MAPK10: variants seen among roughly 807,000 people sequenced by gnomAD.
The protein encoded by MAPK10 is mitogen-activated protein kinase 10.
Under a neutral mutation model 59.3 loss-of-function variants are expected in MAPK10, and 25 were observed. The observed-to-expected ratio is 0.42, with a 90% confidence interval of 0.31 to 0.59. MAPK10 has a LOEUF of 0.59. Ranked by LOEUF, MAPK10 falls within the 20% of genes least tolerant of loss-of-function variation. The pLI is 0.15. For missense variants in MAPK10, 351 were observed against 568.9 expected (o/e 0.62, Z 3.90); for synonymous variants, 190 against 200.5 (o/e 0.95, Z 0.44).
chr4:86,074,339 CTT>C (rs1350572970), intron 9 of MAPK10, among the ~76,000 whole-genome samples: 7 of 149,892 alleles, frequency 4.7e-5, no homozygotes, highest in Non-Finnish European at 8.9e-5. Context: ...GATCTTGACT[CTT>C]TATCCAATTT....
chr4:86,427,523 C>G (rs563264681), intron 1 of MAPK10, among the ~76,000 whole-genome samples: 3 of 152,070 alleles, frequency 2.0e-5, no homozygotes, highest in African/African-American at 4.8e-5. Flanking sequence ...ATCTCTGAAT[C>G]CATAGGACCT....
chr4:86,172,911 G>C (rs1436585960), intron 3 of MAPK10, among the ~76,000 whole-genome samples: 1 of 151,964 alleles, frequency 6.6e-6, no homozygotes, highest in Non-Finnish European at 1.5e-5. Context: ...GTTAACAAGA[G>C]ATGTGAAGGA....
rs561100360 is a variant in MAPK10 at position 86,433,729 on chromosome 4, C to T, written c.-122+19301G>A. On this transcript the variant is annotated intron_variant, in intron 1 of 13. Coordinates refer to the MAPK10 transcript ENST00000361569. ...TAGGCCTTCTTTAAAAACTGCTGGACCACGACTAGGCCGAGCTGTGCCCAG... is the reference window on the plus strand; with the variant it reads ...TAGGCCTTCTTTAAAAACTGCTGGATCACGACTAGGCCGAGCTGTGCCCAG... 1.8e-3 allele frequency among the ~76,000 whole-genome samples: 274 copies of T among 151,970 alleles called. 1 individual carries two copies. Among genetic ancestry groups the T allele is most frequent in the Non-Finnish European group, 2.7e-3 (185 of 67,954 alleles).
At chr4:86,134,983 T>TA in intron 4 of MAPK10, among the ~76,000 whole-genome samples, 1 of 152,252 alleles carries the variant, frequency 6.6e-6, no homozygotes, top group South Asian at 2.1e-4. Flanking sequence ...CCGACGGGCT[T>TA]AAAAAACGGC....
chr4:86,545,699 G>C (rs541660668), intron 1 of MAPK10, among the ~76,000 whole-genome samples: 1 of 152,166 alleles, frequency 6.6e-6, no homozygotes, highest in South Asian at 2.1e-4. Flanking sequence ...AAGGAGAAGA[G>C]AGGTGTTAAT....
chr4:86,350,167 T>TCAGC (rs1730467340), intron 2 of MAPK10, among the ~76,000 whole-genome samples: 1 of 152,088 alleles, frequency 6.6e-6, no homozygotes, highest in Admixed American at 6.6e-5. Context: ...TTCTCCTGCC[T>TCAGC]CAGCCTCCTG....
chr4:86,073,848 T>C (rs1186425681), intron 9 of MAPK10, among the ~76,000 whole-genome samples: 11 of 109,768 alleles, frequency 1.0e-4, no homozygotes, highest in African/African-American at 4.0e-4. Context: ...TGTGGTGTGG[T>C]GCTGAAAAAA....
intron 1 of MAPK10, among the ~76,000 whole-genome samples, chr4:86,405,690 A>G (rs547934357): frequency 6.6e-6 from 1 of 152,324 alleles, no homozygotes; most frequent in African/African-American, 2.4e-5. Flanking sequence ...CACAGACTCA[A>G]TCACTCTTTT....
chr4:86,171,364 G>A (rs899367138), intron 3 of MAPK10, among the ~76,000 whole-genome samples: 41 of 152,114 alleles, frequency 2.7e-4, no homozygotes, highest in African/African-American at 9.4e-4. Flanking sequence ...TTTTGGTACT[G>A]GTACCAAAAC....
intron 11 of MAPK10, among the ~76,000 whole-genome samples, chr4:86,047,499 C>A (rs1197325694): frequency 2.0e-5 from 3 of 152,062 alleles, no homozygotes; most frequent in Non-Finnish European, 4.4e-5. Flanking sequence ...TAGGCAGGAG[C>A]CAGACTAAGT....
intron 1 of MAPK10, among the ~76,000 whole-genome samples, chr4:86,376,978 T>G (rs1739919973): frequency 6.6e-6 from 1 of 152,122 alleles, no homozygotes; most frequent in Non-Finnish European, 1.5e-5. Context: ...GAGTAGCCCA[T>G]CAGAGTCAGT....
chr4:86,342,686 A>C (rs1725707832), intron 2 of MAPK10, among the ~76,000 whole-genome samples: 1 of 152,156 alleles, frequency 6.6e-6, no homozygotes, highest in Non-Finnish European at 1.5e-5. Flanking sequence ...TGAAATCATA[A>C]AGAACCCAGT....
intron 13 of MAPK10, chr4:86,026,410 T>C (rs558921666): frequency 1.3e-5 from 2 of 152,352 alleles, no homozygotes; most frequent in East Asian, 1.9e-4. Flanking sequence ...TAAATTACTA[T>C]GCAAGTGAAA....
intron 2 of MAPK10, among the ~76,000 whole-genome samples, chr4:86,339,932 TTAC>T (rs573264890): frequency 3.3e-5 from 5 of 152,230 alleles, no homozygotes; most frequent in Non-Finnish European, 7.3e-5. Context: ...GTAGATATTC[TTAC>T]TGTACCAATT....
chr4:86,380,937 G>C (rs1157237428), intron 1 of MAPK10, among the ~76,000 whole-genome samples: 1 of 151,448 alleles, frequency 6.6e-6, no homozygotes, highest in African/African-American at 2.4e-5. Context: ...AGAGACCGAA[G>C]CAGAGCTGGG....
intron 1 of MAPK10, among the ~76,000 whole-genome samples, chr4:86,556,788 C>A (rs956107272): frequency 6.6e-6 from 1 of 152,066 alleles, no homozygotes; most frequent in Non-Finnish European, 1.5e-5. Flanking sequence ...TGGAAAGTAT[C>A]TCCTAGAATC....
intron 4 of MAPK10, among the ~76,000 whole-genome samples, chr4:86,115,420 T>C (rs1240627380): frequency 7.2e-5 from 11 of 152,078 alleles, no homozygotes. Context: ...TGGAGCAGGA[T>C]TCACTCACTG....
At chr4:86,393,952 G>A (rs927748020) in intron 1 of MAPK10, among the ~76,000 whole-genome samples, 20 of 152,162 alleles carry the variant, frequency 1.3e-4, no homozygotes, top group Non-Finnish European at 4.4e-5. Flanking sequence ...ACACATTGGT[G>A]AAGAAAGAGA....
chr4:86,135,242 C>T (rs1175262771), intron 4 of MAPK10, among the ~76,000 whole-genome samples: 1 of 152,206 alleles, frequency 6.6e-6, no homozygotes, highest in Non-Finnish European at 1.5e-5. Flanking sequence ...AGGGCACAGA[C>T]AAACAAAAAG....
Sources: allele counts gnomAD v4.1 joint callset (sites outside exome capture counted in the v4.1 genomes callset), GRCh38; gene constraint gnomAD v4.1.1; transcripts MANE v1.5; gene names NCBI Gene and HGNC (gene_info 2026-07-23, HGNC 2026-07-21).